Variants in SH3TC2 observed in about 807,000 individuals in gnomAD.
The protein encoded by SH3TC2 is SH3 domain and tetratricopeptide repeat-containing protein 2.
Under a neutral mutation model 124.5 loss-of-function variants are expected in SH3TC2, and 87 were observed. The ratio of observed to expected loss-of-function variants is 0.70; its 90% confidence interval spans 0.59 to 0.84. The LOEUF is 0.84. SH3TC2 is among the 40% of genes least tolerant of loss of function. The pLI is 0.00. For synonymous variants in SH3TC2, 634 were observed against 628.5 expected, an observed-to-expected ratio of 1.01 and a Z score of -0.13; for missense variants, 1,536 against 1,566.4, an observed-to-expected ratio of 0.98 and a Z score of 0.33.
intron 1 of SH3TC2, among the ~76,000 whole-genome samples, chr5:149,060,308 T>C (rs17722338): frequency 0.034 from 5,145 of 152,196 alleles, 339 homozygotes; most frequent in Admixed American, 0.16. Context: ...AAACAACTCA[T>C]AGATAGGGTG....
Position 149,027,447 on chromosome 5 carries a change from A to G in SH3TC2, c.2285T>C (p.Ile762Thr), listed in dbSNP as rs751351645. The G allele has an allele frequency of 1.4e-5, 22 of 1,614,158 alleles. No homozygotes were observed. The highest frequency in any genetic ancestry group is 1.8e-5 in the Non-Finnish European group (21 of 1,180,050). The change falls in exon 11 of 17, where the codon ATC (isoleucine) becomes ACC (threonine). Residue 762 changes from isoleucine (I) to threonine (T), a missense_variant. Physicochemically the swap from Ile to Thr is moderately conservative, Grantham distance 89 (BLOSUM62 -1). Transcript: ENST00000515425. ...GTGCTCGAGGTACACTTTGGAAAGG[A>G]TGAGACACAGGGCCCTCTGGGTGCT... The part of the protein sequence containing the change: ...DRSTQRALCL[I>T]LSKVYLEHRS...
rs1224242015 is a variant in SH3TC2 at position 149,027,795 on chromosome 5, A to C, written c.1937T>G (p.Leu646Arg). 1 of 1,613,852 alleles carries C rather than the reference A, an allele frequency of 6.2e-7. No individual in the cohort carries two copies. Among genetic ancestry groups the C allele is most frequent in the African/African-American group, 1.3e-5 (1 of 74,954 alleles). ...CFLAIRLLLS[L>R]GRHEEVLPFA... ...GGGCAGGACCTCCTCGTGCCGGCCTAGGCTCAGGAGCAAGCGGATGGCCAG... is the reference window on the plus strand; with the variant it reads ...GGGCAGGACCTCCTCGTGCCGGCCTCGGCTCAGGAGCAAGCGGATGGCCAG... The change falls in exon 11 of 17, where the codon CTA (leucine) becomes CGA (arginine). Residue 646 changes from leucine to arginine, a missense_variant. Leu to Arg is a moderately radical substitution (Grantham distance 102, BLOSUM62 -2). Around this residue, in one of 3 missense-constraint regions of SH3TC2, gnomAD observed 1,102 missense variants for 1,098.6 expected, o/e 1.00. Transcript: ENST00000515425.
At chr5:149,025,295 G>A (rs1227669703) in intron 12 of SH3TC2, among the ~76,000 whole-genome samples, 1 of 152,202 alleles carries the variant, frequency 6.6e-6, no homozygotes, top group African/African-American at 2.4e-5. Context: ...GGGAAAGAAT[G>A]AGGGAGAGTG....
intron 1 of SH3TC2, 130 bp from the exon 2 acceptor site, chr5:149,052,370 T>C: frequency 1.4e-6 from 1 of 708,876 alleles, no homozygotes; most frequent in Non-Finnish European, 2.6e-6. Context: ...ATTCTAATTG[T>C]TATCACCATT....
chr5:149,011,784 G>T (rs778376108), intron 13 of SH3TC2, among the ~76,000 whole-genome samples: 2 of 151,766 alleles, frequency 1.3e-5, no homozygotes, highest in African/African-American at 2.4e-5. Context: ...ACATGGGAAA[G>T]AAAAAAACCG....
intron 1 of SH3TC2, among the ~76,000 whole-genome samples, chr5:149,053,453 G>A (rs1197470678): frequency 6.6e-6 from 1 of 152,190 alleles, no homozygotes; most frequent in Non-Finnish European, 1.5e-5. Context: ...CAGAAGCAGG[G>A]GCCTGTCAGC....
Position 148,999,328 on chromosome 5 carries a change from A to G in SH3TC2, c.*5383T>C, listed in dbSNP as rs1029404070. ...CATAAGTAAGTCTGATATAATTCTGACAGCCCTGGGCTCAGGGAAGTTAAT... is the reference window on the plus strand; with the variant it reads ...CATAAGTAAGTCTGATATAATTCTGGCAGCCCTGGGCTCAGGGAAGTTAAT... On this transcript the variant is annotated 3_prime_UTR_variant, in exon 17 of 17. Transcript: ENST00000515425. Among the ~76,000 whole-genome samples the G allele has an allele frequency of 1.3e-5, 2 of 152,208 alleles. No individual in the cohort carries two copies. Among genetic ancestry groups the G allele is most frequent in the African/African-American group, 4.8e-5 (2 of 41,446 alleles).
chr5:149,009,082 G>A, intron 14 of SH3TC2, 81 bp from the exon 15 acceptor site: 3 of 1,580,892 alleles, frequency 1.9e-6, no homozygotes, highest in African/African-American at 1.3e-5. Context: ...ATCTTCTACA[G>A]GCAGGGGTTG....
chr5:149,019,461 A>G (rs1280326579), intron 12 of SH3TC2, among the ~76,000 whole-genome samples: 1 of 152,172 alleles, frequency 6.6e-6, no homozygotes. Context: ...TCCATTCAAT[A>G]TCACTTATAT....
chr5:149,031,406 T>C, intron 9 of SH3TC2, 148 bp downstream of exon 9: 4 of 1,029,306 alleles, frequency 3.9e-6, no homozygotes, highest in South Asian at 1.3e-5. Context: ...TAATCAAATA[T>C]GATTCAGGTC....
intron 1 of SH3TC2, among the ~76,000 whole-genome samples, chr5:149,053,405 T>C (rs1754590390): frequency 6.6e-6 from 1 of 152,190 alleles, no homozygotes; most frequent in East Asian, 1.9e-4. Context: ...TTTTGGGTGA[T>C]GTACATGAAG....
At position 149,026,759 on chromosome 5, in the gene SH3TC2, AC is replaced by A; in HGVS notation, c.2873-8del. 1 of 1,614,228 alleles carries A rather than the reference AC, an allele frequency of 6.2e-7. No homozygotes were observed. The highest frequency in any genetic ancestry group is 2.2e-5 in the East Asian group (1 of 44,882). On this transcript the variant is annotated splice_polypyrimidine_tract_variant and splice_region_variant and intron_variant, in intron 11 of 16. Transcript: ENST00000515425. Reference sequence around the variant, plus strand: ...TTGGTGGCCTGAAGCTGACCTGAACACAAAGCAGGGACATGAATGAGATGAC... The same window carrying A: ...TTGGTGGCCTGAAGCTGACCTGAACAAAAGCAGGGACATGAATGAGATGAC...
intron 13 of SH3TC2, 149 bp from the exon 14 acceptor site, chr5:149,010,541 G>T: frequency 9.7e-7 from 1 of 1,034,622 alleles, no homozygotes; most frequent in South Asian, 1.6e-5. Context: ...TCCTAGGGCT[G>T]GTAAGAGGAC....
chr5:149,012,460 T>C, intron 13 of SH3TC2, 124 bp downstream of exon 13: 1 of 1,316,816 alleles, frequency 7.6e-7, no homozygotes, highest in South Asian at 1.2e-5. Context: ...GTGTTGACCC[T>C]TTCTCCACAG....
intron 1 of SH3TC2, among the ~76,000 whole-genome samples, chr5:149,059,979 T>G (rs1754717407): frequency 6.6e-6 from 1 of 152,374 alleles, no homozygotes; most frequent in Non-Finnish European, 1.5e-5. Context: ...TCAGTAGTTT[T>G]AAATGCTTTA....
chr5:149,003,809 C>A lies in SH3TC2; in HGVS notation c.*902G>T, dbSNP rs910799027. 2.1e-5 allele frequency: 9 copies of A among 422,010 alleles called. No individual in the cohort carries two copies. Among genetic ancestry groups the A allele is most frequent in the African/African-American group, 1.7e-4 (8 of 46,180 alleles). The allele number at this position is 422,010 out of a possible 1,614,324, so 26.1% of individuals were successfully genotyped here. ...GAGGTCGCAGGAAGCCCTGACTGTA[C>A]CACTGAACTCCAGCCTGGGCAACAG... On this transcript the variant is annotated 3_prime_UTR_variant, in exon 17 of 17. Transcript: ENST00000515425.
At position 149,031,728 on chromosome 5, in the gene SH3TC2, G is replaced by C. The variant is rs368991153; in HGVS notation, c.1002-41C>G. 20 of 1,612,210 alleles carry C rather than the reference G, an allele frequency of 1.2e-5. No homozygotes were observed. The South Asian group carries it at 1.6e-4, about 13-fold the overall frequency. On this transcript the variant is annotated intron_variant, in intron 8 of 16. Coordinates refer to ENST00000515425, the MANE Select transcript of SH3TC2 (RefSeq NM_024577.4). ...AAACACAGAGACAGATTACTGCAAGGCTTCAGACTCCATCTCCTCTTCTCT... is the reference window on the plus strand; with the variant it reads ...AAACACAGAGACAGATTACTGCAAGCCTTCAGACTCCATCTCCTCTTCTCT...
chr5:149,019,924 T>G (rs760695467), intron 12 of SH3TC2, among the ~76,000 whole-genome samples: 10 of 152,190 alleles, frequency 6.6e-5, no homozygotes, highest in Admixed American at 5.9e-4. Flanking sequence ...CTGTTACTGT[T>G]TGATCTGTTT....
intron 4 of SH3TC2, chr5:149,043,783 G>A (rs1187963649): frequency 6.6e-6 from 1 of 152,328 alleles, no homozygotes; most frequent in Non-Finnish European, 1.5e-5. Context: ...CATAAGAGGA[G>A]AAGATACACC....
Sources: allele counts gnomAD v4.1 joint callset (sites outside exome capture counted in the v4.1 genomes callset), GRCh38; gene constraint gnomAD v4.1.1; regional missense constraint gnomAD v4.1.1; transcripts MANE v1.5; gene names NCBI Gene and HGNC (gene_info 2026-07-23, HGNC 2026-07-21).